Variants in TUT4 observed in about 807,000 individuals in gnomAD.
The protein encoded by TUT4 is terminal uridylyltransferase 4.
A neutral mutation model predicts 192.2 loss-of-function variants in TUT4; 36 were observed. The observed-to-expected ratio is 0.19, with a 90% CI of 0.14 to 0.25. TUT4 has a LOEUF of 0.25. Ranked by LOEUF, TUT4 falls within the 10% of genes least tolerant of loss-of-function variation. TUT4 has a pLI of 1.00. For missense variants in TUT4, 1,493 were observed against 1,957.2 expected (o/e 0.76, Z 4.47); for synonymous variants, 618 against 666.0 (o/e 0.93, Z 1.11).
Position 52,531,095 on chromosome 1 carries a change from A to G in TUT4, c.-93-4722T>C, listed in dbSNP as rs372398718. On this transcript the variant is annotated intron_variant, in intron 1 of 29. Coordinates refer to ENST00000257177, the MANE Select transcript of TUT4 (RefSeq NM_001009881.3). ...AATAATAGAATTCAAATAACCTCAA[A>G]TCATGGAAAAAAATATTATCAGAAC... is the stretch of plus-strand genomic sequence containing the variant. 5.8e-4 allele frequency among the ~76,000 whole-genome samples: 88 copies of G among 152,300 alleles called. 1 individual carries two copies. In the East Asian group the frequency reaches 0.014, roughly 24 times the overall value.
At chr1:52,435,504 A>G (rs1477255378) in intron 26 of TUT4, 39 bp from the exon 27 acceptor site, 1 of 1,471,730 alleles carries the variant, frequency 6.8e-7, no homozygotes, top group Non-Finnish European at 9.5e-7. Context: ...ACAGATAAGG[A>G]AAGTAGCAGA....
intron 8 of TUT4, among the ~76,000 whole-genome samples, chr1:52,489,928 TG>T (rs1381588352): frequency 6.6e-6 from 1 of 152,180 alleles, no homozygotes; most frequent in Non-Finnish European, 1.5e-5. Flanking sequence ...ATTTCTGTAT[TG>T]TTTCCATGTC....
chr1:52,496,915 G>A (rs1339018023), intron 5 of TUT4, 91 bp downstream of exon 5: 5 of 1,240,228 alleles, frequency 4.0e-6, no homozygotes, highest in Non-Finnish European at 5.5e-6. Flanking sequence ...GGAGAAAAGG[G>A]AAGAAAAACA....
chr1:52,477,452 T>C (rs1464985752), intron 12 of TUT4, among the ~76,000 whole-genome samples: 2 of 152,126 alleles, frequency 1.3e-5, no homozygotes, highest in Non-Finnish European at 2.9e-5. Context: ...CACAAGCCTA[T>C]AGTCCTAGCT....
At chr1:52,540,714 A>G (rs937407515) in intron 1 of TUT4, among the ~76,000 whole-genome samples, 6 of 152,152 alleles carry the variant, frequency 3.9e-5, no homozygotes, top group South Asian at 2.1e-4. Context: ...TACAAGAAAC[A>G]TGACTCCCAA....
chr1:52,538,151 G>T (rs752212084), intron 1 of TUT4, among the ~76,000 whole-genome samples: 2 of 152,056 alleles, frequency 1.3e-5, no homozygotes, highest in Non-Finnish European at 2.9e-5. Context: ...CACAAGAACC[G>T]CTTGAATCCA....
intron 1 of TUT4, among the ~76,000 whole-genome samples, chr1:52,530,580 T>C (rs778178667): frequency 5.9e-5 from 9 of 152,218 alleles, no homozygotes; most frequent in Non-Finnish European, 1.3e-4. Context: ...CAATGTCTTA[T>C]TGCCTCAAAA....
chr1:52,466,110 C>A (rs1431852908), intron 15 of TUT4, among the ~76,000 whole-genome samples: 3 of 152,124 alleles, frequency 2.0e-5, no homozygotes, highest in African/African-American at 4.8e-5. Flanking sequence ...AAACTTCATA[C>A]CCCCATCCAG....
chr1:52,456,191 G>A (rs1276741270), intron 20 of TUT4, among the ~76,000 whole-genome samples: 1 of 151,918 alleles, frequency 6.6e-6, no homozygotes, highest in Admixed American at 6.6e-5. Flanking sequence ...ATCACCTGAG[G>A]TCAGACATTA....
At chr1:52,543,555 C>T (rs1687273244) in intron 1 of TUT4, among the ~76,000 whole-genome samples, 2 of 150,284 alleles carry the variant, frequency 1.3e-5, no homozygotes, top group African/African-American at 4.9e-5. Flanking sequence ...GCAATCTCAG[C>T]TCACTGCAAC....
At position 52,466,439 on chromosome 1, in the gene TUT4, T is replaced by C. The variant is rs536574500; in HGVS notation, c.2966-1266A>G. On this transcript the variant is annotated intron_variant, in intron 15 of 29. Coordinates refer to ENST00000257177, the MANE Select transcript of TUT4 (RefSeq NM_001009881.3). ...GGGTGGATCACTTGAGTTCAGGAGT[T>C]TGAGACCTGCTTGGAAAACATGGTG... Among the ~76,000 whole-genome samples, 150 of 151,704 alleles carry C rather than the reference T, an allele frequency of 9.9e-4. 1 individual carries two copies. The highest frequency in any genetic ancestry group is 9.7e-4 in the Non-Finnish European group (66 of 67,896).
intron 3 of TUT4, chr1:52,514,777 A>ATTTTTTT (rs34845083): frequency 1.5e-5 from 2 of 135,600 alleles, no homozygotes; most frequent in African/African-American, 2.8e-5. Flanking sequence ...TTTATTTGTG[A>ATTTTTTT]TTTTTTTTTT....
At chr1:52,502,061 T>C (rs899574969) in intron 4 of TUT4, among the ~76,000 whole-genome samples, 3 of 152,160 alleles carry the variant, frequency 2.0e-5, no homozygotes, top group Non-Finnish European at 4.4e-5. Context: ...GTAAATGTAC[T>C]TAATGTCACT....
intron 4 of TUT4, among the ~76,000 whole-genome samples, chr1:52,505,236 T>C (rs975434883): frequency 1.3e-5 from 2 of 152,150 alleles, no homozygotes; most frequent in African/African-American, 4.8e-5. Flanking sequence ...TCTTTCATAC[T>C]TAAGTATGAT....
At chr1:52,489,918 A>G (rs1670711812) in intron 8 of TUT4, among the ~76,000 whole-genome samples, 1 of 152,100 alleles carries the variant, frequency 6.6e-6, no homozygotes, top group African/African-American at 2.4e-5. Flanking sequence ...AAAGAATATC[A>G]TTTCTGTATT....
intron 2 of TUT4, among the ~76,000 whole-genome samples, chr1:52,520,836 A>C (rs1199617396): frequency 6.6e-6 from 1 of 152,006 alleles, no homozygotes; most frequent in Non-Finnish European, 1.5e-5. Context: ...CTTGGTGTCC[A>C]AGCTGGGGTG....
chr1:52,483,412 A>G (rs549788686), intron 9 of TUT4, among the ~76,000 whole-genome samples: 14 of 150,182 alleles, frequency 9.3e-5, no homozygotes, highest in African/African-American at 3.1e-4. Flanking sequence ...ACCATATAAA[A>G]TTTTTTATTT....
chr1:52,479,243 G>A (rs1667861930), intron 11 of TUT4, among the ~76,000 whole-genome samples: 1 of 152,142 alleles, frequency 6.6e-6, no homozygotes, highest in Non-Finnish European at 1.5e-5. Context: ...GGGCTGTTTG[G>A]CTTGTTATCT....
rs182030872 is a variant in TUT4 at position 52,548,009 on chromosome 1, T to C, written c.-94+4922A>G. 1.7e-3 allele frequency among the ~76,000 whole-genome samples: 259 copies of C among 152,268 alleles called. 1 individual carries two copies. The highest frequency in any genetic ancestry group is 6.0e-3 in the African/African-American group (249 of 41,560). On this transcript the variant is annotated intron_variant, in intron 1 of 29. Coordinates refer to ENST00000257177, the MANE Select transcript of TUT4 (RefSeq NM_001009881.3). ...GTGAATTTTATGGTATTGTAAATTATATCTCAAAGAAAAAAGGGGAAAAAA... is the reference window on the plus strand; with the variant it reads ...GTGAATTTTATGGTATTGTAAATTACATCTCAAAGAAAAAAGGGGAAAAAA...
Sources: allele counts gnomAD v4.1 joint callset (sites outside exome capture counted in the v4.1 genomes callset), GRCh38; gene constraint gnomAD v4.1.1; transcripts MANE v1.5; gene names NCBI Gene and HGNC (gene_info 2026-07-23, HGNC 2026-07-21).